STXBP5L: variants seen among roughly 807,000 people sequenced by gnomAD.
STXBP5L encodes the protein syntaxin-binding protein 5-like.
Under a neutral mutation model 144.5 loss-of-function variants are expected in STXBP5L, and 65 were observed. That is an observed-to-expected ratio of 0.45 (90% CI 0.37 to 0.55). The LOEUF is 0.55. STXBP5L is among the 20% of genes least tolerant of loss of function. The pLI is 0.00. For missense variants in STXBP5L, 1,298 were observed against 1,405.5 expected (o/e 0.92, Z 1.22); for synonymous variants, 505 against 469.6 (o/e 1.08, Z -0.97).
At chr3:121,206,900 A>T (rs1577208978) in intron 10 of STXBP5L, among the ~76,000 whole-genome samples, 1 of 152,228 alleles carries the variant, frequency 6.6e-6, no homozygotes. Flanking sequence ...ACTCATTGAG[A>T]ATTACCATAA....
chr3:121,311,773 T>C (rs1463420270), intron 19 of STXBP5L, among the ~76,000 whole-genome samples: 1 of 152,142 alleles, frequency 6.6e-6, no homozygotes, highest in Non-Finnish European at 1.5e-5. Flanking sequence ...TTGCCCAAGG[T>C]AATTTATAGA....
intron 19 of STXBP5L, among the ~76,000 whole-genome samples, chr3:121,293,971 G>C (rs1352336542): frequency 6.6e-6 from 1 of 152,220 alleles, no homozygotes; most frequent in Non-Finnish European, 1.5e-5. Flanking sequence ...ATGCGGAAGA[G>C]AAAAAGTGAG....
intron 7 of STXBP5L, among the ~76,000 whole-genome samples, chr3:121,125,988 A>T (rs2044688070): frequency 6.6e-6 from 1 of 152,146 alleles, no homozygotes; most frequent in South Asian, 2.1e-4. Context: ...ATTTCTTGCA[A>T]GACCATGCTA....
chr3:121,253,805 TTTTTC>T (rs1329680398), intron 15 of STXBP5L, among the ~76,000 whole-genome samples: 2,215 of 134,364 alleles, frequency 0.016, 61 homozygotes, highest in African/African-American at 0.057. Flanking sequence ...TAATTTTTTT[TTTTTC>T]TTTTTTTTTT....
At chr3:121,077,368 CG>C (rs921054519) in intron 5 of STXBP5L, among the ~76,000 whole-genome samples, 18 of 152,120 alleles carry the variant, frequency 1.2e-4, no homozygotes, top group Middle Eastern at 3.4e-3. Flanking sequence ...TTCTTAAAGG[CG>C]GAGTGTTCGG....
At chr3:121,083,850 T>A (rs183012569) in intron 5 of STXBP5L, among the ~76,000 whole-genome samples, 9 of 149,936 alleles carry the variant, frequency 6.0e-5, no homozygotes, top group Admixed American at 1.3e-4. Context: ...TTCTGAGGAA[T>A]TTTTTCATTT....
chr3:121,127,671 G>T (rs73855332), intron 7 of STXBP5L, among the ~76,000 whole-genome samples: 9 of 151,758 alleles, frequency 5.9e-5, no homozygotes, highest in Non-Finnish European at 1.0e-4. Context: ...CATCTGCAAA[G>T]ATTCTATTTC....
intron 5 of STXBP5L, among the ~76,000 whole-genome samples, chr3:121,075,341 A>G (rs945655558): frequency 2.6e-5 from 4 of 152,070 alleles, no homozygotes; most frequent in Admixed American, 6.5e-5. Context: ...GTCCTCTACC[A>G]TGACTGTGAC....
intron 18 of STXBP5L, among the ~76,000 whole-genome samples, chr3:121,262,501 G>A (rs1313437001): frequency 3.9e-5 from 6 of 152,020 alleles, no homozygotes; most frequent in Admixed American, 6.6e-5. Flanking sequence ...GTGATGGCAC[G>A]TGCCTGTAAT....
intron 7 of STXBP5L, among the ~76,000 whole-genome samples, chr3:121,134,034 C>T (rs1267843739): frequency 6.6e-6 from 1 of 152,132 alleles, no homozygotes; most frequent in East Asian, 1.9e-4. Flanking sequence ...CATATCAGCT[C>T]TCTTAGTCCA....
chr3:121,015,166 TG>T (rs1389346091), intron 3 of STXBP5L, among the ~76,000 whole-genome samples: 1 of 152,120 alleles, frequency 6.6e-6, no homozygotes, highest in East Asian at 1.9e-4. Flanking sequence ...TGGTAAATAT[TG>T]ACAAGGTGAT....
chr3:121,149,146 GT>G (rs900785085), intron 7 of STXBP5L, among the ~76,000 whole-genome samples: 4 of 151,740 alleles, frequency 2.6e-5, no homozygotes, highest in African/African-American at 9.7e-5. Context: ...CTTCTATTGT[GT>G]TTTTTAACGT....
intron 5 of STXBP5L, among the ~76,000 whole-genome samples, chr3:121,105,273 G>T (rs1156247818): frequency 6.6e-6 from 1 of 152,076 alleles, no homozygotes; most frequent in African/African-American, 2.4e-5. Context: ...GCGTGCTCCT[G>T]TAGTTCCAGC....
chr3:121,123,912 C>A (rs2044590050), intron 7 of STXBP5L, among the ~76,000 whole-genome samples: 1 of 151,410 alleles, frequency 6.6e-6, no homozygotes, highest in Non-Finnish European at 1.5e-5. Context: ...GTGATTCTTG[C>A]TTTTTGTTTC....
chr3:121,109,784 G>A (rs1335699839), intron 5 of STXBP5L, among the ~76,000 whole-genome samples: 1 of 151,990 alleles, frequency 6.6e-6, no homozygotes, highest in Non-Finnish European at 1.5e-5. Flanking sequence ...AACTTTCTGT[G>A]TCAATGATCT....
intron 3 of STXBP5L, among the ~76,000 whole-genome samples, chr3:120,995,605 G>T (rs564275779): frequency 6.6e-6 from 1 of 151,846 alleles, no homozygotes; most frequent in Non-Finnish European, 1.5e-5. Context: ...CAATAAACAT[G>T]TAAATTATCA....
At chr3:121,028,436 GTCT>G (rs1168378028) in intron 3 of STXBP5L, among the ~76,000 whole-genome samples, 1 of 151,912 alleles carries the variant, frequency 6.6e-6, no homozygotes, top group African/African-American at 2.4e-5. Context: ...TTTTATGTAG[GTCT>G]TCTTTCCTCA....
At chr3:121,370,312 G>C (rs1009688202) in intron 20 of STXBP5L, among the ~76,000 whole-genome samples, 1 of 152,160 alleles carries the variant, frequency 6.6e-6, no homozygotes, top group East Asian at 1.9e-4. Context: ...AGGTTGCGGT[G>C]AGCTGACATT....
chr3:121,003,261 G>C (rs2108058781), intron 3 of STXBP5L, among the ~76,000 whole-genome samples: 1 of 152,246 alleles, frequency 6.6e-6, no homozygotes. Context: ...ACTGGTGTGA[G>C]ACGGTATCTC....
Sources: gnomAD v4.1 joint callset for allele counts (sites outside exome capture counted in the v4.1 genomes callset) on GRCh38, gnomAD v4.1.1 for gene constraint, MANE v1.5 for transcripts, NCBI Gene and HGNC (gene_info 2026-07-23, HGNC 2026-07-21) for gene names.